The following RUNX2 variants were observed in gnomAD, a reference collection of about 807,000 sequenced individuals.
The protein encoded by RUNX2 is runt-related transcription factor 2.
A neutral mutation model predicts 51.7 loss-of-function variants in RUNX2; 10 were observed. The ratio of observed to expected loss-of-function variants is 0.19; its 90% confidence interval spans 0.12 to 0.33. The LOEUF (loss-of-function observed/expected upper bound fraction) is 0.33. RUNX2 is among the 10% of genes least tolerant of loss of function. The probability of loss-of-function intolerance (pLI) is 1.00; values close to 1 mark genes in which losing one functional copy is unlikely to be tolerated. For synonymous variants in RUNX2, 276 were observed against 273.6 expected (o/e 1.01, Z -0.09); for missense variants, 562 against 691.3 (o/e 0.81, Z 2.10).
At chr6:45,489,492 A>C (rs1171191595) in intron 5 of RUNX2, among the ~76,000 whole-genome samples, 1 of 152,234 alleles carries the variant, frequency 6.6e-6, no homozygotes, top group Non-Finnish European at 1.5e-5. Context: ...AAAGCTTATT[A>C]AATTTTCTTG....
intron 7 of RUNX2, among the ~76,000 whole-genome samples, chr6:45,516,188 G>T (rs1056968938): frequency 6.6e-6 from 1 of 152,088 alleles, no homozygotes; most frequent in Non-Finnish European, 1.5e-5. Context: ...AATGATAAAG[G>T]TATGTTACCT....
chr6:45,427,113 T>G (rs1032173671), intron 3 of RUNX2, among the ~76,000 whole-genome samples: 3 of 152,158 alleles, frequency 2.0e-5, no homozygotes, highest in Non-Finnish European at 2.9e-5. Flanking sequence ...TAAAGTTAAA[T>G]ATTTTGGGAC....
At chr6:45,545,375 A>G in intron 8 of RUNX2, 93 bp downstream of exon 8, 10 of 1,380,594 alleles carry the variant, frequency 7.2e-6, no homozygotes, top group Non-Finnish European at 9.8e-6. Context: ...TGTTAACTAT[A>G]TGTTGCTTTT....
intron 2 of RUNX2, chr6:45,421,767 C>G (rs913295909): frequency 6.6e-6 from 1 of 151,644 alleles, no homozygotes; most frequent in Non-Finnish European, 1.5e-5. Flanking sequence ...CTCCTTCTCG[C>G]GGCCGGCTGG....
At position 45,499,679 on chromosome 6, in the gene RUNX2, A is replaced by G. The variant is rs147345724; in HGVS notation, c.859+7565A>G. ...CCAGAAAAATTATTTTTTTGTTTCA[A>G]AAAATTGTCTTTGTAATTTTCTCCT... On this transcript the variant is annotated intron_variant, in intron 6 of 8. Transcript: ENST00000647337. Among the ~76,000 whole-genome samples the G allele has an allele frequency of 6.9e-3, 1,051 of 152,266 alleles. 11 individuals carry two copies. The highest frequency in any genetic ancestry group is 0.024 in the African/African-American group (1,004 of 41,560).
intron 2 of RUNX2, among the ~76,000 whole-genome samples, chr6:45,389,797 G>T (rs1797429065): frequency 1.3e-5 from 2 of 152,076 alleles, no homozygotes; most frequent in Non-Finnish European, 2.9e-5. Context: ...ATCACTTGAG[G>T]CCAGGAATTA....
chr6:45,406,652 C>T (rs757327456), intron 2 of RUNX2, among the ~76,000 whole-genome samples: 13 of 152,098 alleles, frequency 8.5e-5, no homozygotes, highest in South Asian at 2.1e-4. Context: ...GTGATCCGCC[C>T]GCCTTGGCCC....
chr6:45,348,031 A>G (rs944936746), intron 2 of RUNX2, among the ~76,000 whole-genome samples: 2 of 148,632 alleles, frequency 1.3e-5, no homozygotes, highest in South Asian at 2.1e-4. Flanking sequence ...ATGTGTACAC[A>G]TGTGTGGATA....
At chr6:45,465,819 T>G (rs1157516193) in intron 5 of RUNX2, among the ~76,000 whole-genome samples, 1 of 150,632 alleles carries the variant, frequency 6.6e-6, no homozygotes, top group Non-Finnish European at 1.5e-5. Flanking sequence ...TTTTTTTTTG[T>G]ATCTTTAGTG....
At chr6:45,508,220 CTT>C (rs61501897) in intron 6 of RUNX2, among the ~76,000 whole-genome samples, 15 of 65,686 alleles carry the variant, frequency 2.3e-4, no homozygotes, top group East Asian at 1.3e-3. Context: ...CTTATATTTC[CTT>C]TTTTTTTTTT....
intron 5 of RUNX2, among the ~76,000 whole-genome samples, chr6:45,466,051 T>C (rs546608221): frequency 6.6e-6 from 1 of 152,210 alleles, no homozygotes; most frequent in South Asian, 2.1e-4. Context: ...CAGTGGCTCA[T>C]GCCTGTAATC....
chr6:45,486,808 T>A (rs1359895041), intron 5 of RUNX2, among the ~76,000 whole-genome samples: 1 of 152,194 alleles, frequency 6.6e-6, no homozygotes, highest in Non-Finnish European at 1.5e-5. Flanking sequence ...TCAATCAACT[T>A]TCATAAAAAT....
At chr6:45,527,877 C>T (rs1801719629) in intron 7 of RUNX2, among the ~76,000 whole-genome samples, 1 of 152,086 alleles carries the variant, frequency 6.6e-6, no homozygotes, top group South Asian at 2.1e-4. Flanking sequence ...ACTGAAAGAA[C>T]ATTATATGTT....
At chr6:45,491,887 G>A in intron 5 of RUNX2, 54 bp from the exon 6 acceptor site, 1 of 1,547,378 alleles carries the variant, frequency 6.5e-7, no homozygotes, top group Non-Finnish European at 8.9e-7. Flanking sequence ...TATTTAGCAT[G>A]GTCAATTGTT....
intron 2 of RUNX2, among the ~76,000 whole-genome samples, chr6:45,378,482 C>G (rs777505958): frequency 2.4e-4 from 36 of 152,174 alleles, no homozygotes; most frequent in Admixed American, 7.2e-4. Flanking sequence ...ATGTGGAACC[C>G]TTTCTGGGAC....
At chr6:45,424,210 A>C (rs896828297) in intron 3 of RUNX2, among the ~76,000 whole-genome samples, 1 of 152,176 alleles carries the variant, frequency 6.6e-6, no homozygotes, top group Non-Finnish European at 1.5e-5. Context: ...TTGAGGTTTT[A>C]GGATCTGGAG....
At position 45,546,071 on chromosome 6, in the gene RUNX2, T is replaced by C. The variant is rs193210872; in HGVS notation, c.1088-756T>C. Reference sequence around the variant, plus strand: ...GCAGCGAGCCTCTCGCAAAAGCTACTGTTAGCACCTGGTCTAAATCAGGTC... The same window carrying C: ...GCAGCGAGCCTCTCGCAAAAGCTACCGTTAGCACCTGGTCTAAATCAGGTC... On this transcript the variant is annotated intron_variant, in intron 8 of 8. Coordinates refer to ENST00000647337, the MANE Select transcript of RUNX2 (RefSeq NM_001024630.4). Among the ~76,000 whole-genome samples the C allele has an allele frequency of 2.6e-3, 391 of 152,286 alleles. 3 individuals are homozygous for C. Among genetic ancestry groups the C allele is most frequent in the African/African-American group, 9.1e-3 (377 of 41,566 alleles).
intron 5 of RUNX2, among the ~76,000 whole-genome samples, chr6:45,459,325 C>T (rs1041529277): frequency 6.6e-6 from 1 of 152,166 alleles, no homozygotes; most frequent in Admixed American, 6.5e-5. Context: ...ACTGAATATA[C>T]TTGAATTGCT....
At chr6:45,481,144 C>T (rs1458627555) in intron 5 of RUNX2, among the ~76,000 whole-genome samples, 2 of 152,104 alleles carry the variant, frequency 1.3e-5, no homozygotes, top group African/African-American at 4.8e-5. Context: ...ATAAAATATG[C>T]ACAAAACCTT....
Sources: gnomAD v4.1 joint callset for allele counts (sites outside exome capture counted in the v4.1 genomes callset) on GRCh38, gnomAD v4.1.1 for gene constraint, MANE v1.5 for transcripts, NCBI Gene and HGNC (gene_info 2026-07-23, HGNC 2026-07-21) for gene names.